SLC20A1: variants seen among roughly 807,000 people sequenced by gnomAD.
SLC20A1 encodes solute carrier family 20 member 1.
SLC20A1 carries 28 observed loss-of-function variants against 62.7 expected under a neutral mutation model. That is an observed-to-expected ratio of 0.45 (90% CI 0.33 to 0.61). The LOEUF is 0.61. SLC20A1 is among the 20% of genes least tolerant of loss of function. The pLI, the probability that SLC20A1 is intolerant of heterozygous loss-of-function variation, is 0.02. For missense variants in SLC20A1, 673 were observed against 838.6 expected, an observed-to-expected ratio of 0.80 and a Z score of 2.44; for synonymous variants, 305 against 302.9, an observed-to-expected ratio of 1.01 and a Z score of -0.07.
chr2:112,656,091 C>CTTAA (rs1366701507), intron 5 of SLC20A1, among the ~76,000 whole-genome samples: 1 of 151,300 alleles, frequency 6.6e-6, no homozygotes, highest in East Asian at 1.9e-4. Flanking sequence ...ATTACTCATT[C>CTTAA]TTAAACCATG....
intron 4 of SLC20A1, chr2:112,652,347 A>G (rs1264079936): frequency 4.2e-6 from 1 of 239,526 alleles, no homozygotes; most frequent in Non-Finnish European, 8.1e-6. Flanking sequence ...ATTTCTTGAC[A>G]TCTCTTACAA....
chr2:112,647,362 C>T lies in SLC20A1; in HGVS notation c.373C>T (p.Leu125Phe). 6.2e-7 allele frequency: 1 copy of T among 1,614,026 alleles called. No homozygotes were observed. The highest frequency in any genetic ancestry group is 8.5e-7 in the Non-Finnish European group (1 of 1,179,946). ...VWQLVASFLK[L>F]PISGTHCIVG... ...GCAACTCGTGGCTTCGTTTTTGAAG[C>T]TCCCTATTTCTGGAACCCATTGTAT... The change falls in exon 3 of 11, where the codon CTC becomes TTC. Residue 125 changes from leucine (L) to phenylalanine (F), a missense_variant. By Grantham distance (22) the Leu-to-Phe change is conservative (BLOSUM62 0). Transcript: ENST00000272542.
chr2:112,661,947 C>T (rs1686760263), intron 10 of SLC20A1, among the ~76,000 whole-genome samples: 1 of 152,168 alleles, frequency 6.6e-6, no homozygotes, highest in Admixed American at 6.5e-5. Flanking sequence ...AGGTGGGTTT[C>T]TGCTGCCATT....
intron 10 of SLC20A1, among the ~76,000 whole-genome samples, chr2:112,662,016 A>G (rs1686761970): frequency 1.3e-5 from 2 of 152,218 alleles, no homozygotes; most frequent in Admixed American, 6.5e-5. Flanking sequence ...ATGTTGGCAA[A>G]GCAGTTTATT....
intron 10 of SLC20A1, 35 bp from the exon 11 acceptor site, chr2:112,662,829 C>T: frequency 6.2e-7 from 1 of 1,609,056 alleles, no homozygotes; most frequent in East Asian, 2.2e-5. Flanking sequence ...ACTGGCACTT[C>T]AATAACCTGT....
At chr2:112,652,863 C>G (rs1686480569) in intron 5 of SLC20A1, 65 bp downstream of exon 5, 2 of 1,613,244 alleles carry the variant, frequency 1.2e-6, no homozygotes, top group Non-Finnish European at 1.7e-6. Flanking sequence ...CATTAAATGC[C>G]CAATTTACCC....
rs764384995 is a variant in SLC20A1 at position 112,647,275 on chromosome 2, A to C, written c.335-49A>C. 12 of 1,599,052 alleles carry C rather than the reference A, an allele frequency of 7.5e-6. No individual in the cohort carries two copies. In the East Asian group the frequency reaches 2.5e-4, roughly 33 times the overall value. On this transcript the variant is annotated intron_variant, in intron 2 of 10. Transcript: ENST00000272542. ...ATTAACCTTTCTGAATGTGCCACTT[A>C]CATAATGGAATTTTGATATTTACTT...
Position 112,659,464 on chromosome 2 carries a change from G to C in SLC20A1, c.1309G>C (p.Glu437Gln). Residue 437 changes from glutamate (E) to glutamine (Q), a missense_variant, in exon 8 of 11, where the codon GAA (glutamate) becomes CAA (glutamine). Physicochemically the swap from Glu to Gln is conservative, Grantham distance 29. Transcript: ENST00000272542. ...GCCTCTGGATTCATTCCGTGCCAAA[G>C]AAGGTGAACAGAAGGGCGAAGAAAT... ...GMPLDSFRAK[E>Q]GEQKGEEMEK... The C allele has an allele frequency of 1.9e-6, 3 of 1,614,240 alleles. No homozygotes were observed. In the South Asian group the frequency reaches 3.3e-5, roughly 18 times the overall value.
chr2:112,652,335 C>CT (rs199723010), intron 4 of SLC20A1: 3,126 of 224,698 alleles, frequency 0.014, 40 homozygotes, highest in Middle Eastern at 0.02. Context: ...CTAACATAGT[C>CT]TATTTCTTGA....
At chr2:112,657,772 T>C (rs1433106434) in intron 6 of SLC20A1, among the ~76,000 whole-genome samples, 2 of 152,238 alleles carry the variant, frequency 1.3e-5, no homozygotes, top group South Asian at 2.1e-4. Flanking sequence ...CAAATACATA[T>C]ACAAACACAC....
chr2:112,658,218 T>C (rs1686648670), intron 6 of SLC20A1: 1 of 152,306 alleles, frequency 6.6e-6, no homozygotes, highest in South Asian at 2.1e-4. Flanking sequence ...CCTGGATGGA[T>C]AGGTCAGCAT....
Position 112,663,142 on chromosome 2 carries a change from C to T in SLC20A1, c.*117C>T. On this transcript the variant is annotated 3_prime_UTR_variant, in exon 11 of 11. Transcript: ENST00000272542. Reference sequence around the variant, plus strand: ...TGACAAGAGTCTTTTTATTTGGGAGCCAGAGGAGGGAAGTGTTACTTGTGC... The same window carrying T: ...TGACAAGAGTCTTTTTATTTGGGAGTCAGAGGAGGGAAGTGTTACTTGTGC... 8.4e-7 allele frequency: 1 copy of T among 1,186,898 alleles called. No homozygotes were observed. The allele number at this position is 1,186,898 out of a possible 1,614,324, so 73.5% of individuals were successfully genotyped here. A position where few individuals can be genotyped will look rare whatever the true frequency, so the allele number is the denominator to read the frequency against.
At chr2:112,647,623 G>T in intron 3 of SLC20A1, 30 bp from the exon 4 acceptor site, 1 of 1,593,258 alleles carries the variant, frequency 6.3e-7, no homozygotes, top group South Asian at 1.1e-5. Flanking sequence ...TTCATTATTT[G>T]ATATTTTTTC....
At chr2:112,650,905 C>G (rs964009211) in intron 4 of SLC20A1, among the ~76,000 whole-genome samples, 4 of 152,172 alleles carry the variant, frequency 2.6e-5, no homozygotes, top group African/African-American at 9.7e-5. Flanking sequence ...TACAGACAGA[C>G]ATGAGCCACC....
chr2:112,651,857 C>CT (rs1433201521), intron 4 of SLC20A1: 9 of 152,224 alleles, frequency 5.9e-5, no homozygotes, highest in Non-Finnish European at 1.3e-4. Flanking sequence ...GCTGATATCT[C>CT]TGTCTGGAAC....
chr2:112,650,086 C>T (rs1162719231), intron 4 of SLC20A1, among the ~76,000 whole-genome samples: 1 of 152,132 alleles, frequency 6.6e-6, no homozygotes, highest in Non-Finnish European at 1.5e-5. Context: ...TCATACCCTA[C>T]CCCATCCCCA....
intron 5 of SLC20A1, among the ~76,000 whole-genome samples, chr2:112,654,017 C>T (rs895071782): frequency 2.0e-5 from 3 of 152,178 alleles, no homozygotes; most frequent in Non-Finnish European, 4.4e-5. Context: ...GTCTCCAACT[C>T]CTGACCTCAG....
chr2:112,659,607 CA>C lies in SLC20A1; in HGVS notation c.1454del (p.Lys485ArgfsTer6). On this transcript the variant is annotated frameshift_variant, in exon 8 of 11. Coordinates refer to ENST00000272542, the MANE Select transcript of SLC20A1 (RefSeq NM_005415.5). LOFTEE classifies it high-confidence loss of function. ...CAGCATCTGAGATAGACATGAGTGT[CA>C]AGGCAGAGATGGGTCTAGGTGACAG... Reference protein sequence around the residue: ...HSASEIDMSVKAEMGLGDRKG... With the variant: ...HSASEIDMSVXAEMGLGDRKG... The C allele has an allele frequency of 6.2e-7, 1 of 1,614,178 alleles. No homozygotes were observed. The highest frequency in any genetic ancestry group is 8.5e-7 in the Non-Finnish European group (1 of 1,180,024).
chr2:112,660,625 T>TC (rs1686722599), intron 9 of SLC20A1, 53 bp downstream of exon 9: 2 of 1,484,606 alleles, frequency 1.3e-6, no homozygotes. Flanking sequence ...TTTTCAGAGA[T>TC]ATAACACTGT....
Sources: gnomAD v4.1 joint callset for allele counts (sites outside exome capture counted in the v4.1 genomes callset) on GRCh38, gnomAD v4.1.1 for gene constraint, MANE v1.5 for transcripts, NCBI Gene and HGNC (gene_info 2026-07-23, HGNC 2026-07-21) for gene names.